The following ZFHX3 variants were observed in gnomAD, a reference collection of about 807,000 sequenced individuals.
The protein encoded by ZFHX3 is zinc finger homeobox 3.
Under a neutral mutation model 279.1 loss-of-function variants are expected in ZFHX3, and 42 were observed. The ratio of observed to expected loss-of-function variants is 0.15; its 90% CI spans 0.12 to 0.19. The LOEUF is 0.19. Among genes scored for constraint, ZFHX3 ranks in the 10% least tolerant of loss-of-function variants. ZFHX3 has a pLI of 1.00. For synonymous variants in ZFHX3, 2,293 were observed against 1,957.8 expected (o/e 1.17, Z -4.52); for missense variants, 4,981 against 4,754.0 (o/e 1.05, Z -1.40).
chr16:72,851,038 C>T (rs1201185121), intron 4 of ZFHX3, among the ~76,000 whole-genome samples: 1 of 152,022 alleles, frequency 6.6e-6, no homozygotes, highest in Non-Finnish European at 1.5e-5. Context: ...AAGCATGGCT[C>T]GGGGTTTCTA....
intron 1 of ZFHX3, among the ~76,000 whole-genome samples, chr16:72,986,678 C>G (rs74455711): frequency 0.014 from 2,067 of 152,240 alleles, 50 homozygotes; most frequent in African/African-American, 0.047. Context: ...TCAAGAGGAA[C>G]TGCAATGCAG....
chr16:73,738,427 C>T (rs1219091827), intron 1 of ZFHX3, among the ~76,000 whole-genome samples: 1 of 150,710 alleles, frequency 6.6e-6, no homozygotes, highest in Non-Finnish European at 1.5e-5. Flanking sequence ...ACAGACATAG[C>T]CAAATTAACA....
chr16:73,199,986 A>T (rs1275271977), intron 5 of ZFHX3, among the ~76,000 whole-genome samples: 2 of 152,206 alleles, frequency 1.3e-5, no homozygotes, highest in Non-Finnish European at 2.9e-5. Flanking sequence ...TAATCACCAC[A>T]CTAGTCAATT....
chr16:73,687,772 C>T (rs2053104646), intron 1 of ZFHX3, among the ~76,000 whole-genome samples: 1 of 134,882 alleles, frequency 7.4e-6, no homozygotes, highest in African/African-American at 2.8e-5. Flanking sequence ...CTCTTGAACC[C>T]AGGAGGCAGA....
At chr16:73,881,492 C>CCCCCA (rs1461249715) in intron 1 of ZFHX3, among the ~76,000 whole-genome samples, 3 of 93,678 alleles carry the variant, frequency 3.2e-5, no homozygotes, top group Non-Finnish European at 5.4e-5. Flanking sequence ...CCCCCCCCCC[C>CCCCCA]ACTCTGCCCA....
chr16:73,538,225 TA>T (rs958111065), intron 2 of ZFHX3, among the ~76,000 whole-genome samples: 1 of 152,004 alleles, frequency 6.6e-6, no homozygotes, highest in African/African-American at 2.4e-5. Flanking sequence ...CAGCCTAAAA[TA>T]AAAAAATGGA....
intron 5 of ZFHX3, among the ~76,000 whole-genome samples, chr16:73,205,219 C>T (rs991229958): frequency 3.3e-5 from 5 of 151,974 alleles, no homozygotes; most frequent in African/African-American, 1.2e-4. Flanking sequence ...TATATCTAAC[C>T]CACCTTGAGA....
intron 2 of ZFHX3, among the ~76,000 whole-genome samples, chr16:73,531,322 A>G (rs1396702097): frequency 1.3e-5 from 2 of 152,244 alleles, no homozygotes; most frequent in African/African-American, 2.4e-5. Context: ...AAACCTTTCA[A>G]TAATAACTTC....
intron 7 of ZFHX3, among the ~76,000 whole-genome samples, chr16:73,105,099 T>A (rs1966278610): frequency 6.6e-6 from 1 of 152,062 alleles, no homozygotes; most frequent in Admixed American, 6.6e-5. Context: ...CACTGCTTTC[T>A]TTAATAGTCA....
At chr16:73,763,436 C>T (rs1198402553) in intron 1 of ZFHX3, among the ~76,000 whole-genome samples, 1 of 152,178 alleles carries the variant, frequency 6.6e-6, no homozygotes, top group African/African-American at 2.4e-5. Flanking sequence ...ACAAATGATT[C>T]TGCCAAGCAG....
intron 1 of ZFHX3, among the ~76,000 whole-genome samples, chr16:73,805,897 G>A (rs328384): frequency 0.39 from 59,876 of 152,036 alleles, 12,151 homozygotes; most frequent in African/African-American, 0.5. Flanking sequence ...AGAAACTTCA[G>A]TGAAATGAGG....
At chr16:73,843,663 C>T (rs1040190969) in intron 1 of ZFHX3, among the ~76,000 whole-genome samples, 2 of 152,224 alleles carry the variant, frequency 1.3e-5, no homozygotes, top group African/African-American at 4.8e-5. Context: ...CTTCAATCCC[C>T]GCTTCTCACA....
intron 7 of ZFHX3, chr16:72,807,336 A>C (rs975713941): frequency 6.6e-6 from 1 of 152,176 alleles, no homozygotes; most frequent in Non-Finnish European, 1.5e-5. Flanking sequence ...CTCTGTTTCC[A>C]ATAGGCCAAG....
At chr16:73,228,592 G>A (rs969630062) in intron 5 of ZFHX3, among the ~76,000 whole-genome samples, 2 of 152,194 alleles carry the variant, frequency 1.3e-5, no homozygotes, top group African/African-American at 4.8e-5. Context: ...GAGCCTGGGA[G>A]GTCAAGGCTG....
At chr16:73,810,856 T>A (rs937016966) in intron 1 of ZFHX3, among the ~76,000 whole-genome samples, 13 of 152,140 alleles carry the variant, frequency 8.5e-5, no homozygotes, top group African/African-American at 2.9e-4. Context: ...ATCATCTCCA[T>A]GGTCTTCCAA....
intron 3 of ZFHX3, among the ~76,000 whole-genome samples, chr16:73,323,174 C>T (rs1018438303): frequency 6.6e-6 from 1 of 152,024 alleles, no homozygotes; most frequent in South Asian, 2.1e-4. Flanking sequence ...GAAAGGATGG[C>T]CTTTCAGGAG....
intron 2 of ZFHX3, among the ~76,000 whole-genome samples, chr16:73,512,983 C>T (rs565809649): frequency 1.4e-4 from 21 of 152,226 alleles, no homozygotes; most frequent in South Asian, 8.3e-4. Flanking sequence ...AATGGAAATG[C>T]CATCATAGAA....
chr16:72,938,288 T>A (rs370521670), intron 3 of ZFHX3, among the ~76,000 whole-genome samples: 1 of 152,268 alleles, frequency 6.6e-6, no homozygotes, highest in South Asian at 2.1e-4. Flanking sequence ...CGTGCCCATC[T>A]CAGCAACGCA....
chr16:73,689,027 G>A (rs557080394), intron 1 of ZFHX3, among the ~76,000 whole-genome samples: 4 of 152,086 alleles, frequency 2.6e-5, no homozygotes, highest in Non-Finnish European at 4.4e-5. Flanking sequence ...TATCAGCAGC[G>A]TGAAAACAGA....
Sources: gnomAD v4.1 joint callset for allele counts (sites outside exome capture counted in the v4.1 genomes callset) on GRCh38, gnomAD v4.1.1 for gene constraint, MANE v1.5 for transcripts, NCBI Gene and HGNC (gene_info 2026-07-23, HGNC 2026-07-21) for gene names.